Variants in ABTB3 observed in about 807,000 individuals in gnomAD.
The protein encoded by ABTB3 is ankyrin repeat- and BTB/POZ domain-containing protein 3.
the ABTB3 span, among the ~76,000 whole-genome samples, chr12:107,320,234 C>A: frequency 6.6e-6 from 1 of 152,180 alleles, no homozygotes; most frequent in African/African-American, 2.4e-5. Context: ...CAAGAGGTTG[C>A]CTGTTTGCTC....
At chr12:107,343,379 C>T in the ABTB3 span, among the ~76,000 whole-genome samples, 13 of 152,274 alleles carry the variant, frequency 8.5e-5, no homozygotes, top group East Asian at 2.3e-3. Flanking sequence ...GGTCAATACT[C>T]CCTCAGTTAG....
At chr12:107,515,858 C>T in the ABTB3 span, among the ~76,000 whole-genome samples, 2 of 152,098 alleles carry the variant, frequency 1.3e-5, no homozygotes, top group African/African-American at 4.8e-5. Flanking sequence ...TTCAGACTGC[C>T]CATGTCGACC....
chr12:107,377,798 G>A, the ABTB3 span, among the ~76,000 whole-genome samples: 1 of 152,192 alleles, frequency 6.6e-6, no homozygotes, highest in Non-Finnish European at 1.5e-5. Flanking sequence ...CTTGTTTTGG[G>A]AAGGCAGTGG....
At chr12:107,416,829 C>T in the ABTB3 span, among the ~76,000 whole-genome samples, 1 of 152,154 alleles carries the variant, frequency 6.6e-6, no homozygotes, top group Non-Finnish European at 1.5e-5. Context: ...ATGGGGGTCT[C>T]ACTATGTTGT....
At chr12:107,452,165 G>A in the ABTB3 span, among the ~76,000 whole-genome samples, 3 of 151,476 alleles carry the variant, frequency 2.0e-5, no homozygotes, top group East Asian at 3.9e-4. Flanking sequence ...AGGCATAAGA[G>A]TGACCCAGAC....
the ABTB3 span, among the ~76,000 whole-genome samples, chr12:107,610,743 C>G: frequency 6.6e-6 from 1 of 152,130 alleles, no homozygotes; most frequent in South Asian, 2.1e-4. Context: ...CAAGCCCAGA[C>G]AGACTTCATC....
the ABTB3 span, among the ~76,000 whole-genome samples, chr12:107,352,342 C>T: frequency 7.2e-5 from 11 of 152,080 alleles, no homozygotes; most frequent in East Asian, 1.9e-4. Context: ...GGGAATTGAG[C>T]GCTGTGCCAA....
chr12:107,551,005 A>C, the ABTB3 span, among the ~76,000 whole-genome samples: 1 of 152,372 alleles, frequency 6.6e-6, no homozygotes, highest in East Asian at 1.9e-4. Context: ...ACAGTTGAGA[A>C]CAAAAATACC....
chr12:107,593,288 C>T, the ABTB3 span, among the ~76,000 whole-genome samples: 5 of 152,112 alleles, frequency 3.3e-5, no homozygotes, highest in East Asian at 1.9e-4. Context: ...AGAGAACATG[C>T]GGTCCTCAAA....
the ABTB3 span, among the ~76,000 whole-genome samples, chr12:107,646,208 G>A: frequency 6.6e-6 from 1 of 152,194 alleles, no homozygotes; most frequent in Non-Finnish European, 1.5e-5. Flanking sequence ...TCCACAAACA[G>A]GCCCATTAGC....
At chr12:107,611,440 C>G in the ABTB3 span, among the ~76,000 whole-genome samples, 4 of 152,172 alleles carry the variant, frequency 2.6e-5, no homozygotes, top group Admixed American at 2.6e-4. Flanking sequence ...TTTGGCCTCC[C>G]AAAATGCTGG....
At chr12:107,373,669 A>G in the ABTB3 span, among the ~76,000 whole-genome samples, 1 of 152,264 alleles carries the variant, frequency 6.6e-6, no homozygotes, top group South Asian at 2.1e-4. Context: ...CTTATAGATA[A>G]AGCAACTAAA....
At chr12:107,319,540 C>CCG in the ABTB3 span, 1 of 1,555,234 alleles carries the variant, frequency 6.4e-7, no homozygotes, top group Non-Finnish European at 8.7e-7. Context: ...ACCGCCTGGG[C>CCG]CGCGGCAAGT....
chr12:107,552,714 G>C, the ABTB3 span, among the ~76,000 whole-genome samples: 1 of 152,144 alleles, frequency 6.6e-6, no homozygotes, highest in Non-Finnish European at 1.5e-5. Context: ...ATTTCTAGAG[G>C]CTTTGCAAGG....
At chr12:107,352,168 G>A in the ABTB3 span, among the ~76,000 whole-genome samples, 1 of 152,198 alleles carries the variant, frequency 6.6e-6, no homozygotes, top group Non-Finnish European at 1.5e-5. Flanking sequence ...GCTGTTAGGA[G>A]GCAGGTGCAG....
At chr12:107,528,701 C>T in the ABTB3 span, among the ~76,000 whole-genome samples, 2 of 152,208 alleles carry the variant, frequency 1.3e-5, no homozygotes, top group African/African-American at 2.4e-5. Flanking sequence ...CCATGGCTAG[C>T]CCTCCTCAGA....
chr12:107,417,624 A>G, the ABTB3 span, among the ~76,000 whole-genome samples: 1 of 152,232 alleles, frequency 6.6e-6, no homozygotes, highest in African/African-American at 2.4e-5. Context: ...AGATGCCCGT[A>G]CTATGTATCC....
chr12:107,529,008 G>A, the ABTB3 span, among the ~76,000 whole-genome samples: 5 of 152,026 alleles, frequency 3.3e-5, no homozygotes, highest in East Asian at 9.7e-4. Flanking sequence ...TGTCTGAGAT[G>A]ATGGTGGTGA....
At chr12:107,486,793 G>C in the ABTB3 span, among the ~76,000 whole-genome samples, 1 of 149,952 alleles carries the variant, frequency 6.7e-6, no homozygotes, top group Non-Finnish European at 1.5e-5. Context: ...TCTAGACACT[G>C]TTTTAAGCAT....
Sources: allele counts gnomAD v4.1 joint callset (sites outside exome capture counted in the v4.1 genomes callset), GRCh38; gene constraint gnomAD v4.1.1; transcripts MANE v1.5; gene names NCBI Gene and HGNC (gene_info 2026-07-23, HGNC 2026-07-21).